Variants in CATSPERB observed in about 807,000 individuals in gnomAD.
The protein encoded by CATSPERB is catsper channel auxiliary subunit beta, also known as cation channel sperm-associated auxiliary subunit beta.
Under a neutral mutation model 128.3 loss-of-function variants are expected in CATSPERB, and 93 were observed. The ratio of observed to expected loss-of-function variants is 0.72; its 90% CI spans 0.61 to 0.86. CATSPERB has a LOEUF of 0.86. CATSPERB is among the 40% of genes least tolerant of loss of function. The pLI, the probability that CATSPERB is intolerant of heterozygous loss-of-function variation, is 0.00. For missense variants in CATSPERB, 1,153 were observed against 1,329.5 expected, an observed-to-expected ratio of 0.87 and a Z score of 2.06; for synonymous variants, 381 against 448.8, an observed-to-expected ratio of 0.85 and a Z score of 1.91.
At chr14:91,651,969 T>C (rs1037311748) in intron 15 of CATSPERB, among the ~76,000 whole-genome samples, 1 of 152,078 alleles carries the variant, frequency 6.6e-6, no homozygotes, top group African/African-American at 2.4e-5. Context: ...GTATATAAAA[T>C]CTAAAACAAC....
intron 18 of CATSPERB, among the ~76,000 whole-genome samples, chr14:91,623,664 C>T (rs1429945672): frequency 2.6e-5 from 4 of 152,178 alleles, no homozygotes; most frequent in Admixed American, 6.5e-5. Context: ...GCTGACTTCT[C>T]TGCTTTCCTC....
intron 22 of CATSPERB, among the ~76,000 whole-genome samples, chr14:91,597,168 G>T (rs1289020933): frequency 6.6e-6 from 1 of 152,058 alleles, no homozygotes; most frequent in African/African-American, 2.4e-5. Flanking sequence ...GGGATTACAG[G>T]CGTGAACCAC....
intron 17 of CATSPERB, chr14:91,635,571 T>C (rs1894358534): frequency 6.6e-6 from 1 of 152,160 alleles, no homozygotes; most frequent in Non-Finnish European, 1.5e-5. Flanking sequence ...TTGGTCAGAC[T>C]GGTCTCCAAC....
chr14:91,616,321 C>A (rs940669643), intron 20 of CATSPERB, among the ~76,000 whole-genome samples: 4 of 152,060 alleles, frequency 2.6e-5, no homozygotes, highest in Admixed American at 2.6e-4. Flanking sequence ...CAATTATAAA[C>A]TGTTGATTTA....
At chr14:91,689,293 G>A (rs1270800822) in intron 10 of CATSPERB, among the ~76,000 whole-genome samples, 4 of 152,026 alleles carry the variant, frequency 2.6e-5, no homozygotes, top group African/African-American at 7.2e-5. Flanking sequence ...TCTACTCCCC[G>A]CTCTGTGTTG....
chr14:91,616,529 T>C (rs1893937502), intron 20 of CATSPERB, among the ~76,000 whole-genome samples: 2 of 152,150 alleles, frequency 1.3e-5, no homozygotes, highest in Admixed American at 6.5e-5. Flanking sequence ...TCCTGAAGAA[T>C]TGAGATATTT....
intron 14 of CATSPERB, among the ~76,000 whole-genome samples, chr14:91,663,732 T>C (rs1315007725): frequency 6.6e-6 from 1 of 151,238 alleles, no homozygotes; most frequent in African/African-American, 2.4e-5. Flanking sequence ...AATACAAGAG[T>C]GTTTTGTGAT....
chr14:91,647,091 C>A (rs1234181154), intron 15 of CATSPERB, among the ~76,000 whole-genome samples: 1 of 152,110 alleles, frequency 6.6e-6, no homozygotes, highest in African/African-American at 2.4e-5. Flanking sequence ...TGGTGGTGGG[C>A]ACCTGTAATC....
chr14:91,671,449 C>T (rs1895085725), intron 13 of CATSPERB, among the ~76,000 whole-genome samples: 1 of 152,010 alleles, frequency 6.6e-6, no homozygotes, highest in African/African-American at 2.4e-5. Flanking sequence ...GTGGTGGGCA[C>T]CTGTAATCCC....
chr14:91,609,162 G>A (rs1329697691), intron 21 of CATSPERB, among the ~76,000 whole-genome samples: 1 of 151,956 alleles, frequency 6.6e-6, no homozygotes, highest in Non-Finnish European at 1.5e-5. Context: ...AACTGCAGCT[G>A]AAGAACCTCA....
intron 5 of CATSPERB, 51 bp from the exon 6 acceptor site, chr14:91,708,287 T>C (rs1301935659): frequency 8.3e-7 from 1 of 1,211,272 alleles, no homozygotes. Flanking sequence ...TATGTTGTGT[T>C]TGGTGAAATT....
At chr14:91,729,504 TTCACTCA>T in intron 1 of CATSPERB, 25 bp from the exon 2 acceptor site, 1 of 1,242,448 alleles carries the variant, frequency 8.0e-7, no homozygotes. Context: ...AAGAATTATT[TTCACTCA>T]ATTTCTGAAC....
chr14:91,584,717 C>G (rs574004227), intron 26 of CATSPERB, among the ~76,000 whole-genome samples: 64 of 152,304 alleles, frequency 4.2e-4, no homozygotes, highest in African/African-American at 1.3e-3. Flanking sequence ...ACCCTCACCC[C>G]TAACACTTTA....
intron 2 of CATSPERB, among the ~76,000 whole-genome samples, chr14:91,725,905 C>T (rs1489336992): frequency 1.3e-5 from 2 of 152,158 alleles, no homozygotes; most frequent in African/African-American, 4.8e-5. Flanking sequence ...AACCCCAGAC[C>T]CCAGGCCTCA....
At chr14:91,647,694 A>G (rs12891653) in intron 15 of CATSPERB, among the ~76,000 whole-genome samples, 44,025 of 151,974 alleles carry the variant, frequency 0.29, 7,210 homozygotes, top group Admixed American at 0.48. Flanking sequence ...CTTATTCACT[A>G]TCACCAGAAC....
intron 22 of CATSPERB, among the ~76,000 whole-genome samples, chr14:91,599,835 T>C (rs1275492896): frequency 6.6e-6 from 1 of 152,170 alleles, no homozygotes; most frequent in African/African-American, 2.4e-5. Flanking sequence ...AGTTTCTGAT[T>C]AGCCTTTCCA....
rs1896063641 is a variant in CATSPERB, at chr14:91,723,205, A to G, written c.169-16T>C. 9.1e-7 allele frequency: 1 copy of G among 1,093,570 alleles called. No homozygotes were observed. Among genetic ancestry groups the G allele is most frequent in the South Asian group, 2.0e-5 (1 of 49,498 alleles). The allele number at this position is 1,093,570 out of a possible 1,614,324, so 67.7% of individuals were successfully genotyped here. ...ACTGGATTTTCTTTAGGAAAGCAAG[A>G]AAAAAAAAAACAACTAATAACCACT... On this transcript the variant is annotated splice_polypyrimidine_tract_variant and intron_variant, in intron 3 of 26. Transcript: ENST00000256343.
chr14:91,713,428 C>G (rs763591547), intron 5 of CATSPERB, among the ~76,000 whole-genome samples: 1 of 152,026 alleles, frequency 6.6e-6, no homozygotes, highest in Non-Finnish European at 1.5e-5. Flanking sequence ...AACCGATGAA[C>G]CCTTGCAAGA....
At chr14:91,616,300 A>G (rs1893934421) in intron 20 of CATSPERB, among the ~76,000 whole-genome samples, 1 of 152,188 alleles carries the variant, frequency 6.6e-6, no homozygotes, top group Non-Finnish European at 1.5e-5. Context: ...TTTGTACCTC[A>G]TAAATTTATA....
Sources: gnomAD v4.1 joint callset for allele counts (sites outside exome capture counted in the v4.1 genomes callset) on GRCh38, gnomAD v4.1.1 for gene constraint, MANE v1.5 for transcripts, NCBI Gene and HGNC (gene_info 2026-07-23, HGNC 2026-07-21) for gene names.